Variants in BRINP3 observed in about 807,000 individuals in gnomAD.
The protein encoded by BRINP3 is BMP/retinoic acid-inducible neural-specific protein 3.
Under a neutral mutation model 71.0 loss-of-function variants are expected in BRINP3, and 19 were observed. The ratio of observed to expected loss-of-function variants is 0.27; its 90% CI spans 0.19 to 0.39. The LOEUF (loss-of-function observed/expected upper bound fraction) is 0.39. BRINP3 is among the 10% of genes least tolerant of loss of function. BRINP3 has a pLI of 1.00. For synonymous variants in BRINP3, 380 were observed against 337.7 expected (o/e 1.13, Z -1.37); for missense variants, 959 against 940.8 (o/e 1.02, Z -0.25).
At chr1:190,127,824 G>A (rs1225859228) in intron 7 of BRINP3, among the ~76,000 whole-genome samples, 1 of 151,732 alleles carries the variant, frequency 6.6e-6, no homozygotes, top group South Asian at 2.1e-4. Flanking sequence ...TTTTTGGACT[G>A]GGAGAGTGAG....
At chr1:190,417,664 A>C (rs12025018) in intron 2 of BRINP3, among the ~76,000 whole-genome samples, 24,326 of 152,134 alleles carry the variant, frequency 0.16, 2,045 homozygotes, top group South Asian at 0.21. Context: ...TCTAAAGTTA[A>C]AATAGATGGG....
intron 6 of BRINP3, among the ~76,000 whole-genome samples, chr1:190,164,951 T>C (rs770924157): frequency 2.0e-5 from 3 of 152,138 alleles, no homozygotes; most frequent in Admixed American, 6.6e-5. Context: ...ATTTTATGTA[T>C]GTGTTTTTTT....
chr1:190,441,452 A>T (rs1674813431), intron 2 of BRINP3, among the ~76,000 whole-genome samples: 1 of 152,092 alleles, frequency 6.6e-6, no homozygotes, highest in South Asian at 2.1e-4. Flanking sequence ...AAAGCTTTGG[A>T]ATTTAGCAAT....
chr1:190,304,067 G>A (rs1440136482), intron 2 of BRINP3, among the ~76,000 whole-genome samples: 1 of 151,654 alleles, frequency 6.6e-6, no homozygotes. Context: ...AAGAAAGTAA[G>A]AATTCTACAC....
At chr1:190,198,299 T>C (rs973497727) in intron 6 of BRINP3, among the ~76,000 whole-genome samples, 1 of 152,176 alleles carries the variant, frequency 6.6e-6, no homozygotes, top group African/African-American at 2.4e-5. Flanking sequence ...TTCCTCATTG[T>C]CTTGGCAATT....
intron 3 of BRINP3, among the ~76,000 whole-genome samples, chr1:190,271,596 CT>C (rs1482281958): frequency 2.0e-5 from 3 of 151,486 alleles, no homozygotes; most frequent in Non-Finnish European, 4.4e-5. Context: ...GGCCTTTCTA[CT>C]TTTACAAATT....
At chr1:190,246,995 C>A (rs939124867) in intron 4 of BRINP3, among the ~76,000 whole-genome samples, 1 of 151,778 alleles carries the variant, frequency 6.6e-6, no homozygotes, top group Non-Finnish European at 1.5e-5. Context: ...TCTCCACTTG[C>A]CTTTTTGTGT....
chr1:190,277,863 C>T (rs1662720880), intron 3 of BRINP3, among the ~76,000 whole-genome samples: 1 of 151,570 alleles, frequency 6.6e-6, no homozygotes, highest in Non-Finnish European at 1.5e-5. Context: ...ATTTAGATAT[C>T]ATTATCCAAA....
intron 7 of BRINP3, among the ~76,000 whole-genome samples, chr1:190,158,941 A>G (rs1216151116): frequency 6.6e-6 from 1 of 151,892 alleles, no homozygotes; most frequent in African/African-American, 2.4e-5. Flanking sequence ...TAAAGAATAG[A>G]ATTAATTATC....
chr1:190,280,050 A>G (rs1373779182), intron 3 of BRINP3, among the ~76,000 whole-genome samples: 3 of 151,912 alleles, frequency 2.0e-5, no homozygotes, highest in African/African-American at 4.8e-5. Flanking sequence ...AATATGCAAG[A>G]ACTACAGATA....
intron 2 of BRINP3, among the ~76,000 whole-genome samples, chr1:190,390,616 C>T (rs1671192667): frequency 6.6e-6 from 1 of 151,636 alleles, no homozygotes; most frequent in African/African-American, 2.4e-5. Context: ...ATATTTAAAT[C>T]TGAGGGAGTT....
chr1:190,318,853 G>A (rs559924089), intron 2 of BRINP3, among the ~76,000 whole-genome samples: 60 of 152,050 alleles, frequency 3.9e-4, no homozygotes, highest in African/African-American at 1.2e-3. Flanking sequence ...TTAATAATGC[G>A]AATAAGTGAA....
chr1:190,358,590 G>A (rs1178849031), intron 2 of BRINP3, among the ~76,000 whole-genome samples: 1 of 152,084 alleles, frequency 6.6e-6, no homozygotes, highest in Non-Finnish European at 1.5e-5. Flanking sequence ...CAACCATTGT[G>A]GAAGTCAGTG....
chr1:190,179,773 G>C (rs919423602), intron 6 of BRINP3, among the ~76,000 whole-genome samples: 3 of 152,080 alleles, frequency 2.0e-5, no homozygotes, highest in African/African-American at 7.2e-5. Flanking sequence ...CTTGTGATCT[G>C]TTAAATTTAT....
intron 6 of BRINP3, among the ~76,000 whole-genome samples, chr1:190,170,572 A>G (rs896730104): frequency 6.6e-6 from 1 of 152,150 alleles, no homozygotes; most frequent in East Asian, 1.9e-4. Flanking sequence ...TGGGTAAAAA[A>G]CAGTTGAAAT....
At chr1:190,447,249 G>A (rs972247901) in intron 2 of BRINP3, among the ~76,000 whole-genome samples, 12 of 148,852 alleles carry the variant, frequency 8.1e-5, no homozygotes, top group Non-Finnish European at 1.3e-4. Context: ...AGTATGGATT[G>A]ATAGATAGAT....
intron 7 of BRINP3, among the ~76,000 whole-genome samples, chr1:190,131,762 A>G (rs1159995722): frequency 6.6e-6 from 1 of 152,064 alleles, no homozygotes; most frequent in South Asian, 2.1e-4. Context: ...TCTTGCTCCT[A>G]TCTACAAATG....
intron 2 of BRINP3, among the ~76,000 whole-genome samples, chr1:190,429,890 C>A (rs932683935): frequency 6.6e-6 from 1 of 151,966 alleles, no homozygotes; most frequent in Non-Finnish European, 1.5e-5. Flanking sequence ...CAACGCCCAG[C>A]CAAAATTTTA....
intron 2 of BRINP3, among the ~76,000 whole-genome samples, chr1:190,361,625 A>G (rs1207488195): frequency 6.6e-6 from 1 of 152,026 alleles, no homozygotes; most frequent in African/African-American, 2.4e-5. Flanking sequence ...GATGGTCTCA[A>G]TCTCTTGACC....
Sources: allele counts gnomAD v4.1 joint callset (sites outside exome capture counted in the v4.1 genomes callset), GRCh38; gene constraint gnomAD v4.1.1; transcripts MANE v1.5; gene names NCBI Gene and HGNC (gene_info 2026-07-23, HGNC 2026-07-21).